IGSF21: variants seen among roughly 807,000 people sequenced by gnomAD.
The protein encoded by IGSF21 is immunoglobin superfamily member 21.
IGSF21 carries 28 observed loss-of-function variants against 46.8 expected under a neutral mutation model. The ratio of observed to expected loss-of-function variants is 0.60; its 90% CI spans 0.44 to 0.82. The LOEUF (loss-of-function observed/expected upper bound fraction) is 0.82, where lower values mean the gene tolerates loss of function less well. Among genes scored for constraint, IGSF21 ranks in the 40% least tolerant of loss-of-function variants. The pLI, the probability that IGSF21 is intolerant of heterozygous loss-of-function variation, is 0.00. For missense variants in IGSF21, 624 were observed against 665.5 expected, an observed-to-expected ratio of 0.94 and a Z score of 0.69; for synonymous variants, 284 against 273.6, an observed-to-expected ratio of 1.04 and a Z score of -0.38.
intron 2 of IGSF21, among the ~76,000 whole-genome samples, chr1:18,266,136 C>T (rs934721438): frequency 6.6e-6 from 1 of 152,146 alleles, no homozygotes; most frequent in African/African-American, 2.4e-5. Context: ...ATGTGTCAGG[C>T]TCTGCATTGA....
chr1:18,258,959 G>A (rs1299491052), intron 2 of IGSF21, among the ~76,000 whole-genome samples: 1 of 152,236 alleles, frequency 6.6e-6, no homozygotes, highest in Non-Finnish European at 1.5e-5. Context: ...AACCAGGCAA[G>A]GAGCCAGGTC....
chr1:18,223,533 C>T (rs1246259840), intron 1 of IGSF21, among the ~76,000 whole-genome samples: 2 of 152,198 alleles, frequency 1.3e-5, no homozygotes, highest in East Asian at 1.9e-4. Flanking sequence ...AACAGTAGCT[C>T]GTTCCTGTCT....
At chr1:18,113,016 T>G (rs531318583) in intron 1 of IGSF21, 1 of 152,358 alleles carries the variant, frequency 6.6e-6, no homozygotes, top group Non-Finnish European at 1.5e-5. Flanking sequence ...CCTTCTTTTT[T>G]CTTTTTAAAT....
At chr1:18,214,261 G>A (rs1394565019) in intron 1 of IGSF21, among the ~76,000 whole-genome samples, 3 of 152,154 alleles carry the variant, frequency 2.0e-5, no homozygotes, top group Non-Finnish European at 4.4e-5. Flanking sequence ...GGAGGTCGGG[G>A]CAGGGGATGG....
chr1:18,177,405 G>GGGGGGATGGGGTCAGTGAGGTA (rs1490202037), intron 1 of IGSF21, among the ~76,000 whole-genome samples: 1 of 146,508 alleles, frequency 6.8e-6, no homozygotes. Context: ...GTGTGTGTGT[G>GGGGGGATGGGGTCAGTGAGGTA]TGTGTGTGTG....
Position 18,142,065 on chromosome 1 carries a change from C to T in IGSF21, c.70+33867C>T, listed in dbSNP as rs986077523. Among the ~76,000 whole-genome samples the T allele has an allele frequency of 3.3e-5, 5 of 151,998 alleles. No individual in the cohort carries two copies. In the South Asian group the frequency reaches 6.2e-4, roughly 19 times the overall value. On this transcript the variant is annotated intron_variant, in intron 1 of 9. Coordinates refer to ENST00000251296, the MANE Select transcript of IGSF21 (RefSeq NM_032880.5). ...AGCCTGGGCAACAGAGTGATACTGT[C>T]GCAAAATAATTTTTATATGTATATG...
chr1:18,248,908 C>T (rs984609664), intron 2 of IGSF21, among the ~76,000 whole-genome samples: 3 of 152,150 alleles, frequency 2.0e-5, no homozygotes, highest in East Asian at 1.9e-4. Context: ...TGGACCCCCC[C>T]AAGCCAGACT....
In IGSF21 at chr1:18,320,324, C is replaced by A. The variant is rs1338961369; in HGVS notation, c.306-14568C>A. ...GGCCTGACCTTCCCCGCCTTCAGCA[C>A]CACGTAGCGCAGGACAGTCAAACAT... On this transcript the variant is annotated intron_variant, in intron 3 of 9. Transcript: ENST00000251296. 2.8e-5 allele frequency among the ~76,000 whole-genome samples: 4 copies of A among 140,758 alleles called. No individual in the cohort carries two copies. The South Asian group carries it at 8.7e-4, about 31-fold the overall frequency. The allele number at this position is 140,758 out of a possible 152,430, so 92.3% of individuals were successfully genotyped here.
At chr1:18,278,822 C>T (rs1320200830) in intron 2 of IGSF21, 1 of 470,988 alleles carries the variant, frequency 2.1e-6, no homozygotes, top group South Asian at 1.5e-5. Context: ...TCCAAAAGTG[C>T]TGGGATTACA....
intron 2 of IGSF21, among the ~76,000 whole-genome samples, chr1:18,233,214 A>C (rs1036803263): frequency 6.6e-6 from 1 of 152,258 alleles, no homozygotes; most frequent in African/African-American, 2.4e-5. Flanking sequence ...ATCTACAAAC[A>C]GTGATAACAT....
chr1:18,273,444 CACTT>C (rs1226041967), intron 2 of IGSF21, among the ~76,000 whole-genome samples: 1 of 97,318 alleles, frequency 1.0e-5, no homozygotes, highest in African/African-American at 4.6e-5. Context: ...CTTTCTTTCT[CACTT>C]TCTTTCTTTC....
chr1:18,343,622 A>G (rs2085864317), intron 4 of IGSF21, among the ~76,000 whole-genome samples: 2 of 152,146 alleles, frequency 1.3e-5, no homozygotes, highest in Non-Finnish European at 2.9e-5. Flanking sequence ...ATTTTTATAT[A>G]TGGTGTGAGG....
chr1:18,161,112 A>C (rs2086617171), intron 1 of IGSF21, among the ~76,000 whole-genome samples: 1 of 152,078 alleles, frequency 6.6e-6, no homozygotes, highest in South Asian at 2.1e-4. Context: ...AAACTCCTGA[A>C]TCTCAGGGGT....
At chr1:18,300,623 C>T (rs1050536844) in intron 3 of IGSF21, among the ~76,000 whole-genome samples, 1 of 152,228 alleles carries the variant, frequency 6.6e-6, no homozygotes, top group Non-Finnish European at 1.5e-5. Flanking sequence ...GTGTGGTGCA[C>T]TCATTGGCCA....
chr1:18,365,590 C>A lies in IGSF21; in HGVS notation c.908C>A (p.Ala303Asp). ...AGTGACGGCACTGTGGAAGTACGTGCCCTGCTCACCTGGACCCTCAACCCA... is the reference window on the plus strand; with the variant it reads ...AGTGACGGCACTGTGGAAGTACGTGACCTGCTCACCTGGACCCTCAACCCA... ...PSSDGTVEVRALLTWTLNPQI... is the reference protein window; with the variant it reads ...PSSDGTVEVRDLLTWTLNPQI... Residue 303 changes from alanine to aspartate, a missense_variant, in exon 6 of 10, where the codon GCC (alanine) becomes GAC (aspartate). Coordinates refer to ENST00000251296, the MANE Select transcript of IGSF21 (RefSeq NM_032880.5). The surrounding 1 kb of genome is among the most constrained non-coding windows in gnomAD (Gnocchi z 4.8). The A allele has an allele frequency of 6.2e-7, 1 of 1,614,182 alleles. No individual in the cohort carries two copies. The highest frequency in any genetic ancestry group is 8.5e-7 in the Non-Finnish European group (1 of 1,180,032).
At chr1:18,329,643 G>A (rs2085692742) in intron 3 of IGSF21, among the ~76,000 whole-genome samples, 2 of 152,180 alleles carry the variant, frequency 1.3e-5, no homozygotes, top group South Asian at 4.1e-4. Context: ...GGAGGGCTGG[G>A]CAGTCAAGGT....
At chr1:18,179,525 A>G (rs72655135) in intron 1 of IGSF21, among the ~76,000 whole-genome samples, 65 of 152,328 alleles carry the variant, frequency 4.3e-4, no homozygotes, top group Non-Finnish European at 7.8e-4. Context: ...GTAATTCTAT[A>G]TTCATTATTA....
At chr1:18,149,775 G>T (rs1234393380) in intron 1 of IGSF21, among the ~76,000 whole-genome samples, 1 of 152,040 alleles carries the variant, frequency 6.6e-6, no homozygotes, top group African/African-American at 2.4e-5. Flanking sequence ...ACCTTGGGGA[G>T]TCATTTCCCC....
intron 1 of IGSF21, among the ~76,000 whole-genome samples, chr1:18,138,200 C>T (rs146550770): frequency 1.3e-5 from 2 of 152,294 alleles, no homozygotes; most frequent in Non-Finnish European, 2.9e-5. Flanking sequence ...CAAGCATGGG[C>T]TACAGAACCA....
Sources: allele counts gnomAD v4.1 joint callset (sites outside exome capture counted in the v4.1 genomes callset), GRCh38; gene constraint gnomAD v4.1.1; non-coding constraint Gnocchi (gnomAD v3.1); transcripts MANE v1.5; gene names NCBI Gene and HGNC (gene_info 2026-07-23, HGNC 2026-07-21).